Variants in ST18 observed in about 807,000 individuals in gnomAD.
The protein encoded by ST18 is ST18 C2H2C-type zinc finger transcription factor.
In ST18, 50 loss-of-function variants were observed where a neutral mutation model predicts 110.0. That is an observed-to-expected ratio of 0.45 (90% CI 0.36 to 0.58). The LOEUF (loss-of-function observed/expected upper bound fraction) is 0.58. Among genes scored for constraint, ST18 ranks in the 20% least tolerant of loss-of-function variants. ST18 has a pLI of 0.00. For synonymous variants in ST18, 461 were observed against 452.4 expected (o/e 1.02, Z -0.24); for missense variants, 1,306 against 1,280.1 (o/e 1.02, Z -0.31).
chr8:52,214,701 C>T (rs551430481), intron 6 of ST18, among the ~76,000 whole-genome samples: 6 of 152,234 alleles, frequency 3.9e-5, no homozygotes, highest in East Asian at 1.9e-4. Context: ...AATGATTCCT[C>T]GTGTAAAAAA....
chr8:52,214,133 C>G, intron 7 of ST18, 70 bp downstream of exon 7: 1 of 1,469,988 alleles, frequency 6.8e-7, no homozygotes, highest in Non-Finnish European at 9.5e-7. Flanking sequence ...ACACGAGGGA[C>G]TGAGCACTGG....
intron 2 of ST18, among the ~76,000 whole-genome samples, chr8:52,273,473 T>C (rs1231841872): frequency 6.6e-6 from 1 of 152,230 alleles, no homozygotes; most frequent in African/African-American, 2.4e-5. Flanking sequence ...GTTGCATTTC[T>C]AGAGCACAAT....
intron 2 of ST18, among the ~76,000 whole-genome samples, chr8:52,328,089 G>A (rs1251447554): frequency 6.6e-6 from 1 of 152,228 alleles, no homozygotes; most frequent in East Asian, 1.9e-4. Flanking sequence ...AGCCTTAGCA[G>A]AGTGAGAGAA....
chr8:52,393,451 T>A (rs745748818), intron 2 of ST18: 5 of 152,126 alleles, frequency 3.3e-5, no homozygotes, highest in African/African-American at 4.8e-5. Flanking sequence ...ATTGACCAGT[T>A]TCACGTGGTC....
chr8:52,220,025 C>CA (rs545146109), intron 5 of ST18, among the ~76,000 whole-genome samples: 55 of 152,314 alleles, frequency 3.6e-4, no homozygotes, highest in Non-Finnish European at 2.6e-4. Context: ...TTCTATTAGT[C>CA]ACTGTACCAC....
chr8:52,369,516 C>G (rs982876470), intron 2 of ST18, among the ~76,000 whole-genome samples: 2 of 152,166 alleles, frequency 1.3e-5, no homozygotes, highest in East Asian at 3.8e-4. Flanking sequence ...AACATACCAG[C>G]CTACTTATGC....
Position 52,327,090 on chromosome 8 carries a change from C to T in ST18, c.-465+82238G>A, listed in dbSNP as rs563233054. On this transcript the variant is annotated intron_variant, in intron 2 of 25. Transcript: ENST00000689386. ...CTTGCAACCTCCTGTAGCCAAATCA[C>T]TCACAACCAATAAAGGATGTAAAAG... Among the ~76,000 whole-genome samples the T allele has an allele frequency of 4.6e-5, 7 of 152,324 alleles. No homozygotes were observed. The South Asian group carries it at 1.2e-3, about 27-fold the overall frequency.
At chr8:52,223,952 T>C (rs866377134) in intron 3 of ST18, among the ~76,000 whole-genome samples, 10 of 152,198 alleles carry the variant, frequency 6.6e-5, no homozygotes, top group South Asian at 6.2e-4. Flanking sequence ...CTTTTTTTAA[T>C]AAGTAAACAT....
chr8:52,201,145 A>G (rs913545125), intron 8 of ST18: 3 of 152,336 alleles, frequency 2.0e-5, no homozygotes, highest in African/African-American at 7.2e-5. Context: ...GGTAGAGGAA[A>G]CCAGGGAGGT....
At chr8:52,344,340 T>C (rs1468862641) in intron 2 of ST18, among the ~76,000 whole-genome samples, 1 of 152,148 alleles carries the variant, frequency 6.6e-6, no homozygotes, top group Non-Finnish European at 1.5e-5. Flanking sequence ...AACAGGAGCA[T>C]GGAAAGTGTC....
intron 15 of ST18, among the ~76,000 whole-genome samples, chr8:52,153,087 T>C (rs889968438): frequency 4.6e-5 from 7 of 152,238 alleles, no homozygotes; most frequent in Non-Finnish European, 8.8e-5. Flanking sequence ...TCTTCCATTA[T>C]TTTTCAGGCA....
At chr8:52,331,067 T>A (rs928745230) in intron 2 of ST18, among the ~76,000 whole-genome samples, 4 of 152,130 alleles carry the variant, frequency 2.6e-5, no homozygotes, top group African/African-American at 9.7e-5. Context: ...TGGCTGCAGT[T>A]GCTGTGCAAC....
At position 52,353,034 on chromosome 8, in the gene ST18, C is replaced by T. The variant is rs543008851; in HGVS notation, c.-465+56294G>A. Among the ~76,000 whole-genome samples, 23 of 152,262 alleles carry T rather than the reference C, an allele frequency of 1.5e-4. 3 individuals carry two copies. The highest frequency in any genetic ancestry group is 5.5e-4 in the African/African-American group (23 of 41,568). On this transcript the variant is annotated intron_variant, in intron 2 of 25. Coordinates refer to ENST00000689386, the MANE Select transcript of ST18 (RefSeq NM_001352837.2). The stretch of plus-strand genomic sequence containing the variant: ...TCTGATTCTGAACTCCTGTTCTTTC[C>T]ACTTTTCCACACTTTTTTGCACAAA...
intron 9 of ST18, among the ~76,000 whole-genome samples, chr8:52,176,563 G>A (rs1043031923): frequency 2.6e-5 from 4 of 152,158 alleles, no homozygotes; most frequent in Non-Finnish European, 5.9e-5. Context: ...TTCACAGTGT[G>A]GGGAGGGAGC....
chr8:52,344,235 A>T (rs1265658370), intron 2 of ST18, among the ~76,000 whole-genome samples: 1 of 92,312 alleles, frequency 1.1e-5, no homozygotes, highest in Non-Finnish European at 2.1e-5. Context: ...AGAGCAAGAT[A>T]TTATAAAAGA....
chr8:52,396,243 T>C (rs1323968939), intron 2 of ST18, among the ~76,000 whole-genome samples: 1 of 152,190 alleles, frequency 6.6e-6, no homozygotes, highest in Non-Finnish European at 1.5e-5. Context: ...ACTTTTTCAT[T>C]CTACATATGA....
chr8:52,121,580 G>A (rs2044822231), intron 23 of ST18, among the ~76,000 whole-genome samples: 1 of 152,066 alleles, frequency 6.6e-6, no homozygotes, highest in Admixed American at 6.5e-5. Context: ...AAACCATGAG[G>A]TAGAAACATT....
chr8:52,326,253 T>A (rs1030128665), intron 2 of ST18, among the ~76,000 whole-genome samples: 1 of 152,138 alleles, frequency 6.6e-6, no homozygotes, highest in Non-Finnish European at 1.5e-5. Flanking sequence ...ACAGTGGGAT[T>A]TGGCCTGCAG....
At chr8:52,406,216 A>G (rs1844433351) in intron 2 of ST18, 1 of 152,230 alleles carries the variant, frequency 6.6e-6, no homozygotes, top group Admixed American at 6.5e-5. Flanking sequence ...AAGCAGAGGA[A>G]CCTTTCACAA....
Sources: gnomAD v4.1 joint callset for allele counts (sites outside exome capture counted in the v4.1 genomes callset) on GRCh38, gnomAD v4.1.1 for gene constraint, MANE v1.5 for transcripts, NCBI Gene and HGNC (gene_info 2026-07-23, HGNC 2026-07-21) for gene names.